Variants in TLN2 observed in about 807,000 individuals in gnomAD.
The protein encoded by TLN2 is talin 2, also known as talin-2.
Under a neutral mutation model 294.7 loss-of-function variants are expected in TLN2, and 118 were observed. The observed-to-expected ratio is 0.40, with a 90% CI of 0.34 to 0.47. The LOEUF (loss-of-function observed/expected upper bound fraction) is 0.47, where lower values mean the gene tolerates loss of function less well. TLN2 is among the 20% of genes least tolerant of loss of function. The probability of loss-of-function intolerance (pLI) is 0.84; values close to 1 mark genes in which losing one functional copy is unlikely to be tolerated. For synonymous variants in TLN2, 1,431 were observed against 1,304.5 expected, an observed-to-expected ratio of 1.10 and a Z score of -2.09; for missense variants, 3,083 against 3,282.2, an observed-to-expected ratio of 0.94 and a Z score of 1.48.
At chr15:62,394,505 T>C (rs1438795821) in intron 1 of TLN2, among the ~76,000 whole-genome samples, 1 of 152,230 alleles carries the variant, frequency 6.6e-6, no homozygotes, top group Non-Finnish European at 1.5e-5. Flanking sequence ...CCAGAACTTT[T>C]TAATCGTATT....
At chr15:62,496,438 C>T (rs556802718) in intron 1 of TLN2, among the ~76,000 whole-genome samples, 7 of 152,296 alleles carry the variant, frequency 4.6e-5, no homozygotes, top group East Asian at 3.9e-4. Context: ...GAGCTCCACC[C>T]GTGACTAGGA....
intron 2 of TLN2, among the ~76,000 whole-genome samples, chr15:62,596,461 TGG>T: frequency 6.6e-6 from 1 of 152,150 alleles, no homozygotes. Context: ...ATTACAAAGC[TGG>T]GTGCAGTGGC....
At position 62,692,911 on chromosome 15, in the gene TLN2, T is replaced by C; in HGVS notation, c.1185T>C (p.Ile395=). ...AGGGAGAGCAGATATCCCAGCTGAT[T>C]GCAGGCTACATTGACATCATCCTGA... is the stretch of plus-strand genomic sequence containing the variant. The part of the protein sequence containing the change: ...TTEGEQISQL[I]AGYIDIILKK... The change falls in exon 13 of 59, where the codon ATT becomes ATC. Residue 395 remains isoleucine, a synonymous_variant. Transcript: ENST00000636159. The C allele has an allele frequency of 6.2e-7, 1 of 1,612,912 alleles. No homozygotes were observed.
At chr15:62,425,915 C>G (rs1172102122) in intron 1 of TLN2, among the ~76,000 whole-genome samples, 1 of 152,164 alleles carries the variant, frequency 6.6e-6, no homozygotes, top group Admixed American at 6.5e-5. Flanking sequence ...GCCTTCAGCC[C>G]AGACTGCATT....
intron 11 of TLN2, among the ~76,000 whole-genome samples, chr15:62,680,242 T>A (rs2056694022): frequency 6.6e-6 from 1 of 152,200 alleles, no homozygotes; most frequent in African/African-American, 2.4e-5. Flanking sequence ...TGCATGAAAT[T>A]TATAGATCAA....
At chr15:62,785,973 G>T (rs2064622181) in intron 45 of TLN2, among the ~76,000 whole-genome samples, 1 of 152,228 alleles carries the variant, frequency 6.6e-6, no homozygotes, top group Admixed American at 6.5e-5. Context: ...TGCAGCAGCT[G>T]ACGTTTTCAT....
At chr15:62,570,040 T>A (rs996640879) in intron 1 of TLN2, among the ~76,000 whole-genome samples, 1 of 152,198 alleles carries the variant, frequency 6.6e-6, no homozygotes, top group Non-Finnish European at 1.5e-5. Flanking sequence ...ATCTCTCCTT[T>A]CCCTTTGCTT....
chr15:62,461,799 C>A (rs2140341841), intron 1 of TLN2, among the ~76,000 whole-genome samples: 1 of 152,338 alleles, frequency 6.6e-6, no homozygotes, highest in Admixed American at 6.5e-5. Context: ...GGAGCACTCA[C>A]AGAAATTGCT....
intron 26 of TLN2, 138 bp downstream of exon 26, chr15:62,722,625 C>G (rs567785909): frequency 1.2e-4 from 139 of 1,156,600 alleles, no homozygotes; most frequent in Middle Eastern, 9.6e-4. Flanking sequence ...TTAAAGATGC[C>G]CCTGTGGGTT....
chr15:62,414,161 A>AC (rs2033934450), intron 1 of TLN2, among the ~76,000 whole-genome samples: 2 of 49,594 alleles, frequency 4.0e-5, no homozygotes, highest in African/African-American at 5.3e-5. Context: ...GCAAAAAAAA[A>AC]AACTATATAT....
chr15:62,513,068 T>C (rs2040011589), intron 1 of TLN2, among the ~76,000 whole-genome samples: 1 of 152,180 alleles, frequency 6.6e-6, no homozygotes, highest in Admixed American at 6.5e-5. Context: ...CTTTCATGCA[T>C]CCAAGTGGCA....
chr15:62,427,112 C>G (rs1232414473), intron 1 of TLN2, among the ~76,000 whole-genome samples: 2 of 152,122 alleles, frequency 1.3e-5, no homozygotes, highest in East Asian at 1.9e-4. Context: ...GGTTATTGGC[C>G]TGGGTACTTC....
Position 62,839,118 on chromosome 15 carries a change from G to A in TLN2, c.7500+137G>A, listed in dbSNP as rs1356686229. The A allele has an allele frequency of 1.8e-5, 23 of 1,252,308 alleles. No individual in the cohort carries two copies. The East Asian group carries it at 5.6e-4, about 30-fold the overall frequency. The allele number at this position is 1,252,308 out of a possible 1,614,324, so 77.6% of individuals were successfully genotyped here. ...AGAGATGGTGTGGTGTTTCCTTCAT[G>A]TCTGAGAGCCAGATCCATCTGCCTT... On this transcript the variant is annotated intron_variant, in intron 58 of 58. Coordinates refer to ENST00000636159, the MANE Select transcript of TLN2 (RefSeq NM_015059.3).
chr15:62,602,341 A>G (rs567887782), intron 2 of TLN2, among the ~76,000 whole-genome samples: 27 of 152,302 alleles, frequency 1.8e-4, no homozygotes, highest in Admixed American at 2.0e-4. Flanking sequence ...TATTCGAAAG[A>G]TATTTTGAAT....
At chr15:62,658,151 T>C in intron 9 of TLN2, 1 of 237,778 alleles carries the variant, frequency 4.2e-6, no homozygotes, top group Non-Finnish European at 8.0e-6. Flanking sequence ...TCCTTCTACT[T>C]CGTCTTAGTG....
chr15:62,538,258 C>G (rs1254396382), intron 1 of TLN2, among the ~76,000 whole-genome samples: 2 of 152,034 alleles, frequency 1.3e-5, no homozygotes, highest in Non-Finnish European at 2.9e-5. Flanking sequence ...CCAGCCTTTT[C>G]TTTGTTTTTA....
chr15:62,799,452 G>A (rs2065771631), intron 48 of TLN2, among the ~76,000 whole-genome samples: 1 of 152,168 alleles, frequency 6.6e-6, no homozygotes, highest in African/African-American at 2.4e-5. Flanking sequence ...TCTAAATCCG[G>A]CACTTTGAAA....
At chr15:62,677,799 CT>C (rs2056390556) in intron 11 of TLN2, among the ~76,000 whole-genome samples, 2 of 20,808 alleles carry the variant, frequency 9.6e-5, no homozygotes, top group Non-Finnish European at 2.7e-4. Context: ...GTAGGCAGCA[CT>C]TGCAACTTTT....
At chr15:62,477,916 C>A (rs113929225) in intron 1 of TLN2, among the ~76,000 whole-genome samples, 1 of 84,194 alleles carries the variant, frequency 1.2e-5, no homozygotes. Flanking sequence ...GGGGGTGCAG[C>A]GGGGGCAGAG....
Sources: allele counts gnomAD v4.1 joint callset (sites outside exome capture counted in the v4.1 genomes callset), GRCh38; gene constraint gnomAD v4.1.1; transcripts MANE v1.5; gene names NCBI Gene and HGNC (gene_info 2026-07-23, HGNC 2026-07-21).